The following RAB31 variants were observed in gnomAD, a reference collection of about 807,000 sequenced individuals.
The protein encoded by RAB31 is RAB31, member RAS oncogene family.
A neutral mutation model predicts 25.6 loss-of-function variants in RAB31; 21 were observed. The observed-to-expected ratio is 0.82, with a 90% CI of 0.58 to 1.18. The LOEUF is 1.18. Among genes scored for constraint, RAB31 ranks in the 50% most tolerant of loss-of-function variants. RAB31 has a pLI of 0.00. For missense variants in RAB31, 196 were observed against 250.1 expected (o/e 0.78, Z 1.46); for synonymous variants, 87 against 84.0 (o/e 1.04, Z -0.20).
At chr18:9,764,282 A>G (rs995595237) in intron 1 of RAB31, among the ~76,000 whole-genome samples, 2 of 152,216 alleles carry the variant, frequency 1.3e-5, no homozygotes, top group Non-Finnish European at 1.5e-5. Context: ...TCCTCACTGC[A>G]GGAATCAGGA....
intron 2 of RAB31, among the ~76,000 whole-genome samples, chr18:9,789,936 G>A (rs927647080): frequency 6.6e-6 from 1 of 152,126 alleles, no homozygotes; most frequent in African/African-American, 2.4e-5. Flanking sequence ...GATAGTGTGG[G>A]AATTGCAGTA....
rs149340998 is a variant in RAB31, at chr18:9,818,670, G to A, written c.380+3448G>A. 1.1e-3 allele frequency among the ~76,000 whole-genome samples: 165 copies of A among 152,286 alleles called. 1 individual carries two copies. The highest frequency in any genetic ancestry group is 3.5e-3 in the African/African-American group (147 of 41,570). On this transcript the variant is annotated intron_variant, in intron 5 of 6. Transcript: ENST00000578921. The stretch of plus-strand genomic sequence containing the variant: ...AATCATGTACAAATTTTGTGTGGAT[G>A]TATGTTTTCATCTCTCTAGGATATG...
chr18:9,799,980 G>A (rs544548767), intron 3 of RAB31, among the ~76,000 whole-genome samples: 3 of 152,276 alleles, frequency 2.0e-5, no homozygotes, highest in South Asian at 4.1e-4. Flanking sequence ...GGGTTATTGT[G>A]CTGGTTTCTG....
chr18:9,722,329 T>C (rs2068077325), intron 1 of RAB31, among the ~76,000 whole-genome samples: 2 of 152,152 alleles, frequency 1.3e-5, no homozygotes, highest in Admixed American at 1.3e-4. Flanking sequence ...TTCCAGAGTG[T>C]AGCAGCAAGG....
chr18:9,754,990 T>C (rs2068253841), intron 1 of RAB31, among the ~76,000 whole-genome samples: 1 of 152,204 alleles, frequency 6.6e-6, no homozygotes, highest in Non-Finnish European at 1.5e-5. Context: ...AGGTACAGTA[T>C]GGAGGTCTAC....
chr18:9,805,988 C>A (rs1333806924), intron 3 of RAB31, among the ~76,000 whole-genome samples: 2 of 152,122 alleles, frequency 1.3e-5, no homozygotes, highest in Non-Finnish European at 2.9e-5. Flanking sequence ...TCCTGGCTAA[C>A]ATGGCGAAAC....
intron 1 of RAB31, among the ~76,000 whole-genome samples, chr18:9,709,977 G>A (rs753468331): frequency 4.6e-5 from 7 of 152,216 alleles, no homozygotes; most frequent in Admixed American, 2.0e-4. Flanking sequence ...TGTTTGTCAG[G>A]ACTGGCCTTG....
At chr18:9,809,326 GTGATTCT>G (rs986778765) in intron 3 of RAB31, among the ~76,000 whole-genome samples, 1 of 129,468 alleles carries the variant, frequency 7.7e-6, no homozygotes, top group African/African-American at 2.6e-5. Flanking sequence ...TTCCCCAAAG[GTGATTCT>G]TGATCACGCG....
intron 1 of RAB31, among the ~76,000 whole-genome samples, chr18:9,709,379 A>C (rs2068004571): frequency 6.6e-6 from 1 of 152,184 alleles, no homozygotes; most frequent in Admixed American, 6.5e-5. Flanking sequence ...AGCCATTAGC[A>C]TCTGGTGTAC....
chr18:9,812,791 G>A (rs375948826), intron 3 of RAB31, among the ~76,000 whole-genome samples: 20 of 143,100 alleles, frequency 1.4e-4, no homozygotes, highest in African/African-American at 2.8e-4. Context: ...TCTGCCTCCC[G>A]GGTTCTAGCA....
At chr18:9,743,253 A>C (rs76105379) in intron 1 of RAB31, among the ~76,000 whole-genome samples, 3,001 of 152,330 alleles carry the variant, frequency 0.02, 106 homozygotes, top group South Asian at 0.13. Context: ...CCTGAGGAAG[A>C]ATGATTAACA....
intron 6 of RAB31, among the ~76,000 whole-genome samples, chr18:9,845,968 A>G (rs1275597412): frequency 1.3e-5 from 2 of 152,244 alleles, no homozygotes; most frequent in African/African-American, 4.8e-5. Flanking sequence ...TTTTAATTGA[A>G]AATTATGCAT....
chr18:9,833,411 G>T (rs534924320), intron 5 of RAB31, among the ~76,000 whole-genome samples: 1 of 152,280 alleles, frequency 6.6e-6, no homozygotes, highest in East Asian at 1.9e-4. Flanking sequence ...GAGGGTTTGG[G>T]TCCAGAGTAC....
chr18:9,775,494 C>T (rs1394676748), intron 2 of RAB31, 137 bp downstream of exon 2: 8 of 1,453,748 alleles, frequency 5.5e-6, no homozygotes, highest in South Asian at 2.7e-5. Context: ...AGCTGTAGAC[C>T]GACAGAAATT....
chr18:9,812,469 A>G (rs8090337), intron 3 of RAB31, among the ~76,000 whole-genome samples: 23,427 of 151,998 alleles, frequency 0.15, 6,007 homozygotes, highest in African/African-American at 0.53. Context: ...CCCTTCCCAA[A>G]CCCACACCAA....
At chr18:9,760,823 C>A (rs569845461) in intron 1 of RAB31, among the ~76,000 whole-genome samples, 1 of 152,160 alleles carries the variant, frequency 6.6e-6, no homozygotes, top group Non-Finnish European at 1.5e-5. Context: ...TGTTAGGTTC[C>A]CTGTTGAGTC....
Position 9,859,239 on chromosome 18 carries a change from C to T in RAB31, c.502C>T (p.Pro168Ser). 1 of 1,613,610 alleles carries T rather than the reference C, an allele frequency of 6.2e-7. No individual in the cohort carries two copies. The highest frequency in any genetic ancestry group is 8.5e-7 in the Non-Finnish European group (1 of 1,179,598). The change falls in exon 7 of 7, where the codon CCA becomes TCA. Residue 168 changes from proline (P) to serine (S), a missense_variant. Coordinates refer to ENST00000578921, the MANE Select transcript of RAB31 (RefSeq NM_006868.4). ...CCTTTTTGTTGCAGGCCGCCAGATC[C>T]CACCCTTGGACCCCCATGAAAATGG... ...ELFQGISRQI[P>S]PLDPHENGNN...
chr18:9,783,460 C>T (rs1183054352), intron 2 of RAB31, among the ~76,000 whole-genome samples: 10 of 152,090 alleles, frequency 6.6e-5, no homozygotes, highest in Non-Finnish European at 4.4e-5. Context: ...TGTTTTCTAA[C>T]CCTGAGGAGA....
chr18:9,751,158 C>T (rs1045299438), intron 1 of RAB31, among the ~76,000 whole-genome samples: 7 of 152,086 alleles, frequency 4.6e-5, no homozygotes, highest in South Asian at 4.1e-4. Context: ...CTCAGACTCC[C>T]GAGTAGCTGG....
Sources: gnomAD v4.1 joint callset for allele counts (sites outside exome capture counted in the v4.1 genomes callset) on GRCh38, gnomAD v4.1.1 for gene constraint, MANE v1.5 for transcripts, NCBI Gene and HGNC (gene_info 2026-07-23, HGNC 2026-07-21) for gene names.